The following ZNF676 variants were observed in gnomAD, a reference collection of about 807,000 sequenced individuals.
The protein encoded by ZNF676 is zinc finger protein 676.
ZNF676 carries 4 observed loss-of-function variants against 6.0 expected under a neutral mutation model. That is an observed-to-expected ratio of 0.67 (90% CI 0.33 to 1.53). The LOEUF is 1.53. ZNF676 is among the 40% of genes most tolerant of loss of function. The probability of loss-of-function intolerance (pLI) is 0.06; values close to 1 mark genes in which losing one functional copy is unlikely to be tolerated. For synonymous variants in ZNF676, 198 were observed against 223.1 expected (o/e 0.89, Z 1.00); for missense variants, 644 against 679.7 (o/e 0.95, Z 0.58).
chr19:22,220,306 G>C (rs550311230), upstream of ZNF676, among the ~76,000 whole-genome samples: 4 of 152,094 alleles, frequency 2.6e-5, no homozygotes, highest in South Asian at 8.3e-4. Context: ...CATGATCTTG[G>C]TATTAGAGTG....
upstream of ZNF676, chr19:22,197,070 C>T (rs962207295): frequency 6.7e-5 from 15 of 224,482 alleles, no homozygotes; most frequent in South Asian, 6.2e-5. Flanking sequence ...TGCCTGTAAT[C>T]CCAGCACTTT....
chr19:22,199,430 C>T (rs999397227), upstream of ZNF676, among the ~76,000 whole-genome samples: 4 of 152,290 alleles, frequency 2.6e-5, no homozygotes, highest in South Asian at 2.1e-4. Flanking sequence ...TGGAAAACAA[C>T]GTGTGCACAT....
intron 1 of ZNF676, among the ~76,000 whole-genome samples, chr19:22,208,414 A>T (rs554376434): frequency 6.6e-6 from 1 of 152,076 alleles, no homozygotes; most frequent in Non-Finnish European, 1.5e-5. Context: ...ATCTCAAACC[A>T]GTGAGAATGG....
Position 22,179,647 on chromosome 19 carries a change from T to G in ZNF676, c.*303A>C, listed in dbSNP as rs924157067. The G allele has an allele frequency of 3.5e-6, 2 of 566,056 alleles. No homozygotes were observed. Among genetic ancestry groups the G allele is most frequent in the African/African-American group, 3.8e-5 (2 of 52,864 alleles). The allele number at this position is 566,056 out of a possible 1,614,324, so 35.1% of individuals were successfully genotyped here. ...TTTTCCTCCAGTATGAATTCTTTTA[T>G]GAGTAGTAAGGTGTGAGGAACAGTT... On this transcript the variant is annotated 3_prime_UTR_variant, in exon 3 of 3. Transcript: ENST00000397121.
the ZNF676 span, among the ~76,000 whole-genome samples, chr19:22,226,536 A>C: frequency 6.6e-6 from 1 of 151,918 alleles, no homozygotes; most frequent in African/African-American, 2.4e-5. Flanking sequence ...GAATATGTTA[A>C]AGAGTGTTTT....
chr19:22,196,054 C>T (rs1441562107), intron 1 of ZNF676, among the ~76,000 whole-genome samples: 1 of 152,122 alleles, frequency 6.6e-6, no homozygotes, highest in East Asian at 1.9e-4. Context: ...GGACCAATCA[C>T]AAAATGAGAG....
At chr19:22,194,162 G>A (rs1352844531) in intron 1 of ZNF676, among the ~76,000 whole-genome samples, 1 of 152,120 alleles carries the variant, frequency 6.6e-6, no homozygotes, top group Admixed American at 6.6e-5. Flanking sequence ...AGCATGCTTG[G>A]AGCACAATTC....
intron 1 of ZNF676, chr19:22,215,499 G>T: frequency 9.7e-7 from 1 of 1,029,788 alleles, no homozygotes; most frequent in Non-Finnish European, 1.5e-6. Flanking sequence ...GGCTGAAGGG[G>T]ACTGAGGTCG....
chr19:22,249,207 G>A, the ZNF676 span, among the ~76,000 whole-genome samples: 4 of 152,258 alleles, frequency 2.6e-5, no homozygotes, highest in East Asian at 7.7e-4. Flanking sequence ...AAAGTAGAAT[G>A]TGCTTTTGGT....
upstream of ZNF676, among the ~76,000 whole-genome samples, chr19:22,215,817 C>A (rs1434990427): frequency 6.8e-6 from 1 of 146,638 alleles, no homozygotes; most frequent in African/African-American, 2.4e-5. Context: ...CAGCTGCCTG[C>A]CTGATTGGAC....
chr19:22,250,370 A>G, the ZNF676 span, among the ~76,000 whole-genome samples: 1 of 152,200 alleles, frequency 6.6e-6, no homozygotes, highest in Non-Finnish European at 1.5e-5. Context: ...CTAAGTCTTT[A>G]TCAAAAAGGA....
chr19:22,207,923 A>G (rs2024091927), intron 1 of ZNF676, among the ~76,000 whole-genome samples: 1 of 151,782 alleles, frequency 6.6e-6, no homozygotes, highest in South Asian at 2.1e-4. Context: ...CTTTTATAAC[A>G]CCATATAAAA....
chr19:22,213,561 G>C (rs1478914459), intron 1 of ZNF676, among the ~76,000 whole-genome samples: 2 of 144,882 alleles, frequency 1.4e-5, no homozygotes, highest in East Asian at 1.9e-4. Context: ...CAGGAGATGA[G>C]AGGCTACACT....
chr19:22,227,974 TAGAG>T, the ZNF676 span, among the ~76,000 whole-genome samples: 43 of 152,170 alleles, frequency 2.8e-4, no homozygotes, highest in African/African-American at 1.0e-3. Flanking sequence ...TTCCAAACAA[TAGAG>T]AAAGAGGGAC....
At chr19:22,201,462 G>T (rs752791443), upstream of ZNF676, among the ~76,000 whole-genome samples, 1 of 152,108 alleles carries the variant, frequency 6.6e-6, no homozygotes, top group Non-Finnish European at 1.5e-5. Flanking sequence ...CAGAGGCCAG[G>T]TCTTATTTAC....
At chr19:22,203,339 C>T (rs894222937) in intron 1 of ZNF676, 1 of 153,510 alleles carries the variant, frequency 6.5e-6, no homozygotes, top group Non-Finnish European at 1.5e-5. Context: ...TCACAGACAC[C>T]ACGGAATACT....
the ZNF676 span, among the ~76,000 whole-genome samples, chr19:22,249,206 T>G: frequency 6.6e-6 from 1 of 152,140 alleles, no homozygotes; most frequent in Non-Finnish European, 1.5e-5. Flanking sequence ...AAAAGTAGAA[T>G]GTGCTTTTGG....
upstream of ZNF676, among the ~76,000 whole-genome samples, chr19:22,220,011 A>G (rs1365666561): frequency 6.6e-6 from 1 of 152,162 alleles, no homozygotes; most frequent in Admixed American, 6.5e-5. Context: ...GATTTTGCTG[A>G]GGATTTTAAT....
the ZNF676 span, among the ~76,000 whole-genome samples, chr19:22,231,657 C>T: frequency 6.9e-6 from 1 of 144,516 alleles, no homozygotes; most frequent in Non-Finnish European, 1.5e-5. Context: ...GGCTGGAGTG[C>T]AGTGGTGTGA....
Sources: gnomAD v4.1 joint callset for allele counts (sites outside exome capture counted in the v4.1 genomes callset) on GRCh38, gnomAD v4.1.1 for gene constraint, MANE v1.5 for transcripts, NCBI Gene and HGNC (gene_info 2026-07-23, HGNC 2026-07-21) for gene names.